ANKRD44: variants seen among roughly 807,000 people sequenced by gnomAD.
ANKRD44 encodes the protein serine/threonine-protein phosphatase 6 regulatory ankyrin repeat subunit B.
ANKRD44 carries 35 observed loss-of-function variants against 116.0 expected under a neutral mutation model. The ratio of observed to expected loss-of-function variants is 0.30; its 90% CI spans 0.23 to 0.40. The LOEUF (loss-of-function observed/expected upper bound fraction) is 0.40, where lower values mean the gene tolerates loss of function less well. ANKRD44 is among the 10% of genes least tolerant of loss of function. The pLI is 1.00. For synonymous variants in ANKRD44, 435 were observed against 461.8 expected (o/e 0.94, Z 0.74); for missense variants, 1,014 against 1,242.6 (o/e 0.82, Z 2.77).
At chr2:197,170,310 A>G (rs1486345954) in intron 2 of ANKRD44, among the ~76,000 whole-genome samples, 1 of 152,174 alleles carries the variant, frequency 6.6e-6, no homozygotes, top group Non-Finnish European at 1.5e-5. Context: ...AACCTTTAAT[A>G]TGACAGTTAC....
rs1160960247 is a variant in ANKRD44 at position 197,237,874 on chromosome 2, G to A, written c.28-50768C>T. Among the ~76,000 whole-genome samples, 7 of 152,156 alleles carry A rather than the reference G, an allele frequency of 4.6e-5. No individual in the cohort carries two copies. In the East Asian group the frequency reaches 1.2e-3, roughly 25 times the overall value. On this transcript the variant is annotated intron_variant, in intron 1 of 27. Coordinates refer to ENST00000282272, the MANE Select transcript of ANKRD44 (RefSeq NM_001195144.2). ...TTTCCTTTCCATGCAGTGCACCAGTGCAACTTCCGGATGCCCTTCCACTCC... is the reference window on the plus strand; with the variant it reads ...TTTCCTTTCCATGCAGTGCACCAGTACAACTTCCGGATGCCCTTCCACTCC...
In ANKRD44 at chr2:197,239,892, T is replaced by C. The variant is rs187514333; in HGVS notation, c.28-52786A>G. 1.6e-3 allele frequency among the ~76,000 whole-genome samples: 250 copies of C among 152,290 alleles called. 3 individuals carry two copies. The highest frequency in any genetic ancestry group is 5.6e-3 in the African/African-American group (233 of 41,562). On this transcript the variant is annotated intron_variant, in intron 1 of 27. Transcript: ENST00000282272. ...CCTATGTAAAAACTAATGCAACCAA[T>C]CTGCTTCTTCTCAAATGTCTTCAAC...
intron 3 of ANKRD44, among the ~76,000 whole-genome samples, chr2:197,146,030 A>G (rs1222207261): frequency 6.6e-6 from 1 of 152,226 alleles, no homozygotes; most frequent in Non-Finnish European, 1.5e-5. Context: ...GGGAGAAAGC[A>G]TATAATGGTT....
At chr2:197,071,886 A>G (rs79814218) in intron 16 of ANKRD44, among the ~76,000 whole-genome samples, 2,812 of 152,200 alleles carry the variant, frequency 0.018, 58 homozygotes, top group East Asian at 0.099. Context: ...TGGGGCATAC[A>G]TATTTAGGAC....
chr2:197,203,774 TACTC>T lies in ANKRD44; in HGVS notation c.28-16672_28-16669del, dbSNP rs750324009. Among the ~76,000 whole-genome samples, 23 of 152,160 alleles carry T rather than the reference TACTC, an allele frequency of 1.5e-4. No individual in the cohort carries two copies. Among genetic ancestry groups the T allele is most frequent in the Non-Finnish European group, 2.4e-4 (16 of 68,034 alleles). On this transcript the variant is annotated intron_variant, in intron 1 of 27. Coordinates refer to ENST00000282272, the MANE Select transcript of ANKRD44 (RefSeq NM_001195144.2). This position sits in a 1 kb window ranked among gnomAD's most constrained non-coding sequence, Gnocchi z 4.1. The stretch of plus-strand genomic sequence containing the variant: ...GTGGTACAGCCGTAGAGTAAAATAT[TACTC>T]AGCCATGAAAAGGAACAGCGTATAA...
intron 16 of ANKRD44, among the ~76,000 whole-genome samples, chr2:197,033,169 G>A (rs910026768): frequency 1.3e-5 from 2 of 152,118 alleles, no homozygotes; most frequent in Admixed American, 1.3e-4. Flanking sequence ...GATGGGAAAA[G>A]GCCTAAGATA....
intron 12 of ANKRD44, 137 bp downstream of exon 12, chr2:197,088,574 C>T: frequency 1.9e-6 from 1 of 532,078 alleles, no homozygotes; most frequent in Non-Finnish European, 3.2e-6. Context: ...GGAAATATAA[C>T]ATAGTGATAT....
At chr2:197,162,289 G>A (rs2079985960) in intron 2 of ANKRD44, among the ~76,000 whole-genome samples, 1 of 152,168 alleles carries the variant, frequency 6.6e-6, no homozygotes, top group Non-Finnish European at 1.5e-5. Context: ...ACAAGACATT[G>A]AGGCTTCATT....
At chr2:197,243,207 A>G (rs1257698097) in intron 1 of ANKRD44, among the ~76,000 whole-genome samples, 4 of 152,220 alleles carry the variant, frequency 2.6e-5, no homozygotes, top group Non-Finnish European at 5.9e-5. Flanking sequence ...AGCATTTACT[A>G]TACATATATG....
chr2:197,095,005 T>G (rs1360571694), intron 10 of ANKRD44, among the ~76,000 whole-genome samples: 2 of 152,208 alleles, frequency 1.3e-5, no homozygotes, highest in Non-Finnish European at 2.9e-5. Context: ...CCCCCAGGCC[T>G]TTGCACATAC....
chr2:197,100,674 T>C lies in ANKRD44; in HGVS notation c.986-744A>G, dbSNP rs536076881. Reference sequence around the variant, plus strand: ...CAAAGGGGATGGACAGTTCAGGAAATGATTTCATGTAATTTGATGATCTAG... The same window carrying C: ...CAAAGGGGATGGACAGTTCAGGAAACGATTTCATGTAATTTGATGATCTAG... On this transcript the variant is annotated intron_variant, in intron 9 of 27. Transcript: ENST00000282272. Among the ~76,000 whole-genome samples the C allele has an allele frequency of 2.6e-5, 4 of 152,326 alleles. No homozygotes were observed. The East Asian group carries it at 5.8e-4, about 22-fold the overall frequency.
At chr2:196,990,788 C>G in intron 27 of ANKRD44, 1 of 1,232,174 alleles carries the variant, frequency 8.1e-7, no homozygotes, top group South Asian at 4.1e-5. Flanking sequence ...TCGTCCTGCT[C>G]AAATTGTCTT....
intron 1 of ANKRD44, among the ~76,000 whole-genome samples, chr2:197,278,782 C>T (rs369688687): frequency 2.6e-5 from 4 of 152,208 alleles, no homozygotes; most frequent in Admixed American, 6.5e-5. Context: ...TCTCTCATTG[C>T]GACACGTAGG....
chr2:197,039,645 C>T (rs564471526), intron 16 of ANKRD44, among the ~76,000 whole-genome samples: 12 of 149,282 alleles, frequency 8.0e-5, no homozygotes, highest in African/African-American at 2.5e-4. Context: ...TGGATTCCTG[C>T]ATTACATGTG....
At chr2:197,208,295 T>A (rs1036011885) in intron 1 of ANKRD44, among the ~76,000 whole-genome samples, 2 of 152,132 alleles carry the variant, frequency 1.3e-5, no homozygotes, top group Non-Finnish European at 1.5e-5. Context: ...GGCTGGTAGT[T>A]TCTTCTTAGT....
In ANKRD44 at chr2:197,212,536, T is replaced by C. The variant is rs1224725277; in HGVS notation, c.28-25430A>G. Reference sequence around the variant, plus strand: ...CACTATATCCCTAACTGCTAGCACATAGTAGGCCCTCAATAAATCTCTGCT... The same window carrying C: ...CACTATATCCCTAACTGCTAGCACACAGTAGGCCCTCAATAAATCTCTGCT... On this transcript the variant is annotated intron_variant, in intron 1 of 27. Coordinates refer to ENST00000282272, the MANE Select transcript of ANKRD44 (RefSeq NM_001195144.2). The surrounding 1 kb of genome is among the most constrained non-coding windows in gnomAD (Gnocchi z 4.8). Among the ~76,000 whole-genome samples, 4 of 152,196 alleles carry C rather than the reference T, an allele frequency of 2.6e-5. No individual in the cohort carries two copies. Among genetic ancestry groups the C allele is most frequent in the Non-Finnish European group, 4.4e-5 (3 of 68,028 alleles).
At chr2:197,134,814 C>T (rs533507352) in intron 4 of ANKRD44, 4 of 152,238 alleles carry the variant, frequency 2.6e-5, no homozygotes, top group African/African-American at 7.2e-5. Context: ...CAAATCCATA[C>T]ATATTTTTAA....
chr2:197,002,633 T>C (rs1047145383), intron 21 of ANKRD44, among the ~76,000 whole-genome samples: 8 of 152,212 alleles, frequency 5.3e-5, no homozygotes, highest in Admixed American at 2.6e-4. Context: ...TGACGTTCTA[T>C]ACAATTGTAA....
At chr2:196,986,406 A>G (rs145711413), downstream of ANKRD44, among the ~76,000 whole-genome samples, 892 of 152,046 alleles carry the variant, frequency 5.9e-3, 7 homozygotes, top group African/African-American at 0.02. Flanking sequence ...CAGAGCAGAA[A>G]AAAACAAAAC....
Sources: gnomAD v4.1 joint callset for allele counts (sites outside exome capture counted in the v4.1 genomes callset) on GRCh38, gnomAD v4.1.1 for gene constraint, Gnocchi (gnomAD v3.1) non-coding constraint, MANE v1.5 for transcripts, NCBI Gene and HGNC (gene_info 2026-07-23, HGNC 2026-07-21) for gene names.